TENM2: variants seen among roughly 807,000 people sequenced by gnomAD.
TENM2 encodes the protein teneurin-2.
A neutral mutation model predicts 245.2 loss-of-function variants in TENM2; 52 were observed. The ratio of observed to expected loss-of-function variants is 0.21; its 90% CI spans 0.17 to 0.27. The LOEUF (loss-of-function observed/expected upper bound fraction) is 0.27, where lower values mean the gene tolerates loss of function less well. Among genes scored for constraint, TENM2 ranks in the 10% least tolerant of loss-of-function variants. The pLI is 1.00. For synonymous variants in TENM2, 1,363 were observed against 1,438.9 expected, an observed-to-expected ratio of 0.95 and a Z score of 1.19; for missense variants, 3,046 against 3,666.8, an observed-to-expected ratio of 0.83 and a Z score of 4.37.
chr5:167,491,257 A>G (rs1476828462), intron 2 of TENM2, among the ~76,000 whole-genome samples: 1 of 152,220 alleles, frequency 6.6e-6, no homozygotes, highest in South Asian at 2.1e-4. Context: ...TTAATGTCGT[A>G]TGAAGCCATA....
the TENM2 span, among the ~76,000 whole-genome samples, chr5:167,115,681 T>C: frequency 6.6e-6 from 1 of 152,172 alleles, no homozygotes; most frequent in African/African-American, 2.4e-5. Context: ...TATTTGGGAA[T>C]CTAAAAATAA....
At chr5:168,223,449 AG>A (rs1763846418) in intron 23 of TENM2, among the ~76,000 whole-genome samples, 3 of 151,534 alleles carry the variant, frequency 2.0e-5, no homozygotes, top group Admixed American at 2.0e-4. Flanking sequence ...TAAACATGAA[AG>A]TATTGATTAC....
the TENM2 span, among the ~76,000 whole-genome samples, chr5:167,079,459 A>C: frequency 1.7e-4 from 26 of 151,020 alleles, no homozygotes; most frequent in Admixed American, 1.6e-3. Flanking sequence ...GATTGTGGGC[A>C]TGCGCCACCA....
chr5:167,242,704 T>C, the TENM2 span, among the ~76,000 whole-genome samples: 1 of 152,198 alleles, frequency 6.6e-6, no homozygotes, highest in Non-Finnish European at 1.5e-5. Flanking sequence ...AAGAATACAG[T>C]ATGTAATATA....
the TENM2 span, among the ~76,000 whole-genome samples, chr5:167,086,856 AT>A: frequency 1.3e-5 from 2 of 152,058 alleles, no homozygotes; most frequent in Non-Finnish European, 2.9e-5. Flanking sequence ...ATCAGGGACT[AT>A]AAAGCTTTTT....
At chr5:167,277,107 T>C in the TENM2 span, among the ~76,000 whole-genome samples, 1 of 152,130 alleles carries the variant, frequency 6.6e-6, no homozygotes, top group Admixed American at 6.6e-5. Context: ...TTCAGTTTCA[T>C]TGATTTGGGT....
At chr5:167,742,985 ACAACAAC>A (rs1761295778) in intron 2 of TENM2, among the ~76,000 whole-genome samples, 100 of 120,188 alleles carry the variant, frequency 8.3e-4, no homozygotes, top group African/African-American at 3.1e-3. Flanking sequence ...AAAAACAACA[ACAACAAC>A]AACAACAACA....
At chr5:167,070,600 A>G in the TENM2 span, among the ~76,000 whole-genome samples, 1 of 152,028 alleles carries the variant, frequency 6.6e-6, no homozygotes, top group Non-Finnish European at 1.5e-5. Context: ...AATCTTTACC[A>G]CAACCCTTTG....
At chr5:167,192,024 C>A in the TENM2 span, among the ~76,000 whole-genome samples, 4 of 152,030 alleles carry the variant, frequency 2.6e-5, no homozygotes, top group East Asian at 7.7e-4. Flanking sequence ...AAGGAAAAAT[C>A]TTTAGCAACT....
chr5:167,631,801 C>T (rs1488618139), intron 2 of TENM2, among the ~76,000 whole-genome samples: 1 of 152,140 alleles, frequency 6.6e-6, no homozygotes, highest in East Asian at 1.9e-4. Flanking sequence ...CACCCTCAGG[C>T]AAGGCTAGGA....
the TENM2 span, among the ~76,000 whole-genome samples, chr5:167,279,529 C>CCTTT: frequency 7.3e-6 from 1 of 137,232 alleles, no homozygotes; most frequent in Non-Finnish European, 1.5e-5. Context: ...TTCCTTCCTT[C>CCTTT]CTTCCTTCCT....
chr5:167,037,542 G>C, the TENM2 span, among the ~76,000 whole-genome samples: 1 of 152,268 alleles, frequency 6.6e-6, no homozygotes, highest in African/African-American at 2.4e-5. Flanking sequence ...TTACTACAGA[G>C]AGAGTTATAC....
At chr5:167,380,807 A>C (rs1761057977) in intron 2 of TENM2, among the ~76,000 whole-genome samples, 1 of 152,188 alleles carries the variant, frequency 6.6e-6, no homozygotes. Context: ...CGAAGGCAGT[A>C]AAATGGTAAG....
At chr5:167,674,854 T>C (rs915618074) in intron 2 of TENM2, among the ~76,000 whole-genome samples, 31 of 152,242 alleles carry the variant, frequency 2.0e-4, no homozygotes, top group East Asian at 5.8e-4. Flanking sequence ...ATTGTCAGCA[T>C]TGAAGCTTTT....
chr5:167,350,913 G>A (rs1296078419), intron 1 of TENM2, among the ~76,000 whole-genome samples: 1 of 59,680 alleles, frequency 1.7e-5, no homozygotes, highest in Non-Finnish European at 3.7e-5. Context: ...ATATATATAT[G>A]GGATATATAC....
intron 2 of TENM2, among the ~76,000 whole-genome samples, chr5:167,861,039 TA>T (rs10714126): frequency 0.81 from 101,294 of 124,916 alleles, 40,380 homozygotes; most frequent in Middle Eastern, 0.86. Context: ...GAATTATCAA[TA>T]AAAAAAAAAA....
chr5:168,062,141 G>C, exon 7 of TENM2: 2 of 1,613,446 alleles, frequency 1.2e-6, no homozygotes, highest in Admixed American at 1.7e-5. Flanking sequence ...GTCCCACCAG[G>C]GGTGTTTTGG....
intron 4 of TENM2, among the ~76,000 whole-genome samples, chr5:167,992,496 T>G (rs2152009063): frequency 6.6e-6 from 1 of 152,336 alleles, no homozygotes; most frequent in African/African-American, 2.4e-5. Context: ...TAGCACATTA[T>G]CTTTACCTGG....
At position 168,226,153 on chromosome 5, in the gene TENM2, G is replaced by A. The variant is rs755957556; in HGVS notation, c.5174G>A (p.Arg1725Gln). 32 of 1,613,460 alleles carry A rather than the reference G, an allele frequency of 2.0e-5. No individual in the cohort carries two copies. The highest frequency in any genetic ancestry group is 2.5e-5 in the Non-Finnish European group (30 of 1,179,756). ...ACGGGGGTGGTAACCAGTCTGCACCGGGAAATGGAGAAATCTATTACCATT... is the reference window on the plus strand; with the variant it reads ...ACGGGGGTGGTAACCAGTCTGCACCAGGAAATGGAGAAATCTATTACCATT... The change falls in exon 24 of 29, where the codon CGG becomes CAG. Residue 1725 changes from arginine to glutamine, a missense_variant. Around this residue, in one of 2 missense-constraint regions of TENM2, gnomAD observed 2,704 missense variants for 3,331.9 expected, o/e 0.81. Transcript: ENST00000518659.
Sources: allele counts gnomAD v4.1 joint callset (sites outside exome capture counted in the v4.1 genomes callset), GRCh38; gene constraint gnomAD v4.1.1; regional missense constraint gnomAD v4.1.1; transcripts MANE v1.5; gene names NCBI Gene and HGNC (gene_info 2026-07-23, HGNC 2026-07-21).